The following BBS1 variants were observed in gnomAD, a reference collection of about 807,000 sequenced individuals.
BBS1 encodes the protein BBSome complex member BBS1.
In BBS1, 60 loss-of-function variants were observed where a neutral mutation model predicts 73.9. The ratio of observed to expected loss-of-function variants is 0.81; its 90% CI spans 0.66 to 1.01. BBS1 has a LOEUF of 1.01. Among genes scored for constraint, BBS1 ranks in the 50% least tolerant of loss-of-function variants. The pLI is 0.00. For missense variants in BBS1, 718 were observed against 770.3 expected (o/e 0.93, Z 0.80); for synonymous variants, 283 against 317.4 (o/e 0.89, Z 1.15).
At chr11:66,519,504 A>G (rs1856133536) in intron 7 of BBS1, 113 bp from the exon 8 acceptor site, 6 of 1,450,060 alleles carry the variant, frequency 4.1e-6, no homozygotes, top group South Asian at 2.4e-5. Flanking sequence ...CACATCTCTG[A>G]TATTTCCTCT....
In BBS1 at chr11:66,510,690, G is replaced by A; in HGVS notation, c.31G>A (p.Ala11Thr). 6.2e-7 allele frequency: 1 copy of A among 1,614,184 alleles called. No homozygotes were observed. Residue 11 changes from alanine to threonine, a missense_variant, in exon 1 of 17, where the codon GCC (alanine) becomes ACC (threonine). Physicochemically the swap from Ala to Thr is moderately conservative, Grantham distance 58. Coordinates refer to ENST00000318312, the MANE Select transcript of BBS1 (RefSeq NM_024649.5). ...CGCTGCGTCCTCATCGGATTCCGACGCCTGCGGAGCTGAGAGGTGAAGGCA... is the reference window on the plus strand; with the variant it reads ...CGCTGCGTCCTCATCGGATTCCGACACCTGCGGAGCTGAGAGGTGAAGGCA... MAAASSSDSDACGAESNEANS... is the reference protein window; with the variant it reads MAAASSSDSDTCGAESNEANS...
intron 9 of BBS1, 25 bp downstream of exon 9, chr11:66,521,401 G>A (rs999668874): frequency 1.3e-6 from 2 of 1,585,934 alleles, no homozygotes; most frequent in East Asian, 2.2e-5. Flanking sequence ...GGTCTCCGGG[G>A]CCGGGAGGAA....
intron 3 of BBS1, among the ~76,000 whole-genome samples, chr11:66,512,001 A>AT (rs1555046270): frequency 1.4e-5 from 2 of 138,312 alleles, no homozygotes; most frequent in African/African-American, 6.0e-5. Context: ...GTTTCAAAAA[A>AT]AAATATATAT....
At chr11:66,514,320 A>T (rs754525028) in intron 3 of BBS1, 86 bp from the exon 4 acceptor site, 12 of 1,526,878 alleles carry the variant, frequency 7.9e-6, no homozygotes, top group African/African-American at 1.4e-5. Context: ...GGAATGAATG[A>T]ATGTGCACCA....
At chr11:66,529,760 C>T in intron 13 of BBS1, 59 bp from the exon 14 acceptor site, 1 of 1,600,658 alleles carries the variant, frequency 6.2e-7, no homozygotes. Flanking sequence ...TGCCCCGTTG[C>T]TGCCTCCTCC....
intron 1 of BBS1, 50 bp downstream of exon 1, chr11:66,510,756 T>G: frequency 6.2e-7 from 1 of 1,609,320 alleles, no homozygotes; most frequent in Non-Finnish European, 8.5e-7. Flanking sequence ...GTAAAGAGGG[T>G]CCCTTGGTCC....
rs201308610 is a variant in BBS1 at position 66,510,983 on chromosome 11, A to G, written c.48-30A>G. On this transcript the variant is annotated intron_variant, in intron 1 of 16. Transcript: ENST00000318312. ...TTTTTTTTCCCCTCCCATGGGACTC[A>G]CTCCCCAACTGTCTTTCCCCCACTT... 9.0e-5 allele frequency: 145 copies of G among 1,611,842 alleles called. 1 individual carries two copies. In the East Asian group the frequency reaches 2.2e-3, roughly 25 times the overall value.
chr11:66,532,441 T>G lies in BBS1; in HGVS notation c.*404T>G. 5.0e-6 allele frequency: 1 copy of G among 198,596 alleles called. No individual in the cohort carries two copies. The highest frequency in any genetic ancestry group is 1.0e-5 in the Non-Finnish European group (1 of 95,426). 12.3% of individuals were successfully genotyped at this position (198,596 alleles called of 1,614,324 possible). A position where few individuals can be genotyped will look rare whatever the true frequency, so the allele number is the denominator to read the frequency against. On this transcript the variant is annotated 3_prime_UTR_variant, in exon 17 of 17. Transcript: ENST00000318312. The stretch of plus-strand genomic sequence containing the variant: ...CTGCAGGCCAAGGCCAAAATTGGGC[T>G]AGTCCTGGCCAGGGAAATCAGAAGC...
At chr11:66,510,990 A>C (rs573451767) in intron 1 of BBS1, 23 bp from the exon 2 acceptor site, 1 of 1,613,846 alleles carries the variant, frequency 6.2e-7, no homozygotes, top group East Asian at 2.2e-5. Flanking sequence ...CTCACTCCCC[A>C]ACTGTCTTTC....
At chr11:66,512,664 G>A (rs565303156) in intron 3 of BBS1, among the ~76,000 whole-genome samples, 1 of 152,104 alleles carries the variant, frequency 6.6e-6, no homozygotes, top group Admixed American at 6.6e-5. Context: ...AGAAACCACA[G>A]ACACAGTAGC....
Position 66,510,664 on chromosome 11 carries a change from C to G in BBS1, c.5C>G (p.Ala2Gly), listed in dbSNP as rs1232711188. The change falls in exon 1 of 17, where the codon GCC becomes GGC. Residue 2 changes from alanine (A) to glycine (G), a missense_variant. Physicochemically the swap from Ala to Gly is moderately conservative, Grantham distance 60. Transcript: ENST00000318312. ...GCCAGGACGACGCCTGCGAAGATGG[C>G]CGCTGCGTCCTCATCGGATTCCGAC... is the stretch of plus-strand genomic sequence containing the variant. M[A>G]AASSSDSDAC... The G allele has an allele frequency of 1.9e-6, 3 of 1,614,156 alleles. No individual in the cohort carries two copies. Among genetic ancestry groups the G allele is most frequent in the Non-Finnish European group, 2.5e-6 (3 of 1,180,018 alleles).
intron 8 of BBS1, chr11:66,520,806 T>G (rs1856182784): frequency 4.0e-6 from 1 of 252,184 alleles, no homozygotes; most frequent in African/African-American, 2.2e-5. Context: ...CAATCTCAGC[T>G]TACTGCAACC....
At position 66,510,685 on chromosome 11, in the gene BBS1, C is replaced by G. The variant is rs1432515630; in HGVS notation, c.26C>G (p.Ser9Cys). Residue 9 changes from serine to cysteine, a missense_variant, in exon 1 of 17, where the codon TCC becomes TGC. Transcript: ENST00000318312. MAAASSSD[S>C]DACGAESNEA... Reference sequence around the variant, plus strand: ...ATGGCCGCTGCGTCCTCATCGGATTCCGACGCCTGCGGAGCTGAGAGGTGA... The same window carrying G: ...ATGGCCGCTGCGTCCTCATCGGATTGCGACGCCTGCGGAGCTGAGAGGTGA... 3.2e-5 allele frequency: 52 copies of G among 1,614,188 alleles called. No individual in the cohort carries two copies. The highest frequency in any genetic ancestry group is 4.2e-5 in the Non-Finnish European group (50 of 1,180,018).
chr11:66,526,296 G>C, intron 12 of BBS1, 104 bp downstream of exon 12: 1 of 1,220,730 alleles, frequency 8.2e-7, no homozygotes, highest in South Asian at 1.3e-5. Flanking sequence ...GGGTGGACCT[G>C]GGTGTGGAAA....
At chr11:66,514,067 A>G (rs1671062) in intron 3 of BBS1, among the ~76,000 whole-genome samples, 99,246 of 152,138 alleles carry the variant, frequency 0.65, 33,871 homozygotes, top group African/African-American at 0.86. Flanking sequence ...CTGTCCCAGT[A>G]TCTCTCTAGA....
intron 3 of BBS1, among the ~76,000 whole-genome samples, chr11:66,514,021 G>C (rs1010677624): frequency 6.6e-6 from 1 of 151,648 alleles, no homozygotes; most frequent in African/African-American, 2.4e-5. Context: ...GCCCAGATAT[G>C]GGTGTCCCCG....
At chr11:66,510,921 T>C in intron 1 of BBS1, 92 bp from the exon 2 acceptor site, 3 of 1,471,042 alleles carry the variant, frequency 2.0e-6, no homozygotes, top group Non-Finnish European at 2.9e-6. Context: ...GTTCTGTACC[T>C]TATGTTCAGA....
At chr11:66,522,382 C>T (rs1037625558) in intron 9 of BBS1, among the ~76,000 whole-genome samples, 10 of 149,646 alleles carry the variant, frequency 6.7e-5, no homozygotes, top group Non-Finnish European at 1.3e-4. Flanking sequence ...GAGTCTCACT[C>T]TGTCACCCAG....
chr11:66,517,767 A>T (rs975920194), intron 7 of BBS1, among the ~76,000 whole-genome samples: 11 of 151,290 alleles, frequency 7.3e-5, no homozygotes, highest in Admixed American at 7.3e-4. Flanking sequence ...CGCCCATCTT[A>T]TTTATTTATT....
Sources: gnomAD v4.1 joint callset for allele counts (sites outside exome capture counted in the v4.1 genomes callset) on GRCh38, gnomAD v4.1.1 for gene constraint, MANE v1.5 for transcripts, NCBI Gene and HGNC (gene_info 2026-07-23, HGNC 2026-07-21) for gene names.